The following PCDHA8 variants were observed in gnomAD, a reference collection of about 807,000 sequenced individuals.
PCDHA8 encodes the protein protocadherin alpha-8.
PCDHA8 carries 53 observed loss-of-function variants against 61.8 expected under a neutral mutation model. The observed-to-expected ratio is 0.86, with a 90% confidence interval of 0.69 to 1.08. The LOEUF (loss-of-function observed/expected upper bound fraction) is 1.08. Among genes scored for constraint, PCDHA8 ranks in the 50% least tolerant of loss-of-function variants. PCDHA8 has a pLI of 0.00. For missense variants in PCDHA8, 1,293 were observed against 1,245.0 expected (o/e 1.04, Z -0.58); for synonymous variants, 618 against 556.6 (o/e 1.11, Z -1.55).
At chr5:140,854,216 A>G in intron 1 of PCDHA8, 1 of 633,308 alleles carries the variant, frequency 1.6e-6, no homozygotes, top group Non-Finnish European at 2.0e-6. Flanking sequence ...TCAATATTGG[A>G]CATCTACATT....
intron 1 of PCDHA8, among the ~76,000 whole-genome samples, chr5:140,972,533 T>C (rs2096540643): frequency 6.6e-6 from 1 of 152,134 alleles, no homozygotes; most frequent in African/African-American, 2.4e-5. Flanking sequence ...ATTTCATAAA[T>C]CACTTGTGCA....
chr5:140,924,165 C>G (rs782754845), intron 1 of PCDHA8, among the ~76,000 whole-genome samples: 5 of 152,230 alleles, frequency 3.3e-5, no homozygotes, highest in Admixed American at 1.3e-4. Context: ...ATCCTAATCT[C>G]TGGCACTGAA....
intron 1 of PCDHA8, among the ~76,000 whole-genome samples, chr5:140,972,279 A>G (rs568636203): frequency 3.3e-5 from 5 of 150,992 alleles, no homozygotes; most frequent in South Asian, 4.2e-4. Context: ...AGCTTGGACC[A>G]TAGATGTGCG....
At chr5:140,883,924 G>T (rs1554180605) in intron 1 of PCDHA8, 14 of 1,613,506 alleles carry the variant, frequency 8.7e-6, no homozygotes, top group Non-Finnish European at 1.1e-5. Context: ...TGACGCTGCA[G>T]GTGTTCGTGC....
chr5:140,953,517 A>G (rs1554220954), intron 1 of PCDHA8, among the ~76,000 whole-genome samples: 1 of 152,168 alleles, frequency 6.6e-6, no homozygotes, highest in African/African-American at 2.4e-5. Flanking sequence ...CAAAGCAACA[A>G]AAACGGGAAA....
intron 1 of PCDHA8, chr5:140,969,304 C>A (rs782271875): frequency 9.3e-6 from 15 of 1,614,042 alleles, no homozygotes; most frequent in African/African-American, 1.3e-5. Flanking sequence ...TGATTATTCT[C>A]AAAAATGAGG....
chr5:140,928,172 C>T (rs782267454), intron 1 of PCDHA8: 1 of 1,614,200 alleles, frequency 6.2e-7, no homozygotes, highest in South Asian at 1.1e-5. Flanking sequence ...CCACTTAGCA[C>T]CCGAAGGACA....
intron 1 of PCDHA8, among the ~76,000 whole-genome samples, chr5:140,884,893 G>T (rs1186873075): frequency 1.3e-5 from 2 of 152,138 alleles, no homozygotes; most frequent in East Asian, 1.9e-4. Context: ...AGAATATTTT[G>T]TTTCTGTTGT....
chr5:140,887,525 TC>T (rs552124664), intron 1 of PCDHA8, among the ~76,000 whole-genome samples: 1 of 152,154 alleles, frequency 6.6e-6, no homozygotes, highest in South Asian at 2.1e-4. Context: ...TATATATGAG[TC>T]TTCCTCTCCC....
intron 3 of PCDHA8, among the ~76,000 whole-genome samples, chr5:140,992,128 G>GACTGATGAT (rs2097493639): frequency 6.6e-6 from 1 of 151,816 alleles, no homozygotes; most frequent in Non-Finnish European, 1.5e-5. Context: ...GAAGAACAGT[G>GACTGATGAT]ACTGATGATG....
intron 1 of PCDHA8, chr5:140,882,841 A>G: frequency 6.2e-7 from 1 of 1,614,232 alleles, no homozygotes; most frequent in East Asian, 2.2e-5. Flanking sequence ...AAATGTCTTC[A>G]TTATCACTTG....
Position 140,843,534 on chromosome 5 carries a change from C to T in PCDHA8, c.2213C>T (p.Thr738Ile). Residue 738 changes from threonine (T) to isoleucine (I), a missense_variant, in exon 1 of 4, where the codon ACT becomes ATT. Thr to Ile is a moderately conservative substitution (Grantham distance 89). Transcript: ENST00000531613. ...GGCGGGTGCCGGGCGGGCAAGCCCACTCTGGTGTGCTCCAGTGCGGTGGGG... is the reference window on the plus strand; with the variant it reads ...GGCGGGTGCCGGGCGGGCAAGCCCATTCTGGTGTGCTCCAGTGCGGTGGGG... ...TEGGCRAGKP[T>I]LVCSSAVGSW... 1 of 1,596,028 alleles carries T rather than the reference C, an allele frequency of 6.3e-7. No individual in the cohort carries two copies. Among genetic ancestry groups the T allele is most frequent in the Non-Finnish European group, 8.6e-7 (1 of 1,165,534 alleles).
chr5:140,870,308 A>G, intron 1 of PCDHA8: 1 of 1,614,140 alleles, frequency 6.2e-7, no homozygotes, highest in Non-Finnish European at 8.5e-7. Context: ...ACCTTCAAGA[A>G]TTACTACTCG....
intron 1 of PCDHA8, among the ~76,000 whole-genome samples, chr5:140,907,616 G>A (rs2073492016): frequency 6.6e-6 from 1 of 152,216 alleles, no homozygotes; most frequent in Non-Finnish European, 1.5e-5. Flanking sequence ...CATATCAAGG[G>A]CTCAGTGTTG....
At chr5:140,853,186 T>A (rs1319210557) in intron 1 of PCDHA8, 2 of 978,922 alleles carry the variant, frequency 2.0e-6, no homozygotes, top group African/African-American at 3.5e-5. Flanking sequence ...GCCTAAAATG[T>A]GTTCTTTATT....
At chr5:140,873,693 C>T (rs1554166841) in intron 1 of PCDHA8, among the ~76,000 whole-genome samples, 1 of 152,156 alleles carries the variant, frequency 6.6e-6, no homozygotes, top group Non-Finnish European at 1.5e-5. Context: ...TAGAGTCTTG[C>T]TCTATCACCC....
intron 1 of PCDHA8, among the ~76,000 whole-genome samples, chr5:140,955,464 T>C (rs563782102): frequency 2.0e-5 from 3 of 152,218 alleles, no homozygotes; most frequent in South Asian, 2.1e-4. Context: ...TTTTTCCTTT[T>C]TGCTTGGCAC....
In PCDHA8 at chr5:140,852,902, A is replaced by ATG. The variant is rs1554146177; in HGVS notation, c.2394+9187_2394+9188insTG. The stretch of plus-strand genomic sequence containing the variant: ...TAAAACGTATTTTTTTTTTTGAGTC[A>ATG]GAGTCTCGCTCTGTTGCCCAGGCTG... On this transcript the variant is annotated intron_variant, in intron 1 of 3. Transcript: ENST00000531613. 5.3e-4 allele frequency: 438 copies of ATG among 830,724 alleles called. 11 individuals carry two copies. In the South Asian group the frequency reaches 0.021, roughly 39 times the overall value. 51.5% of individuals were successfully genotyped at this position (830,724 alleles called of 1,614,324 possible).
chr5:140,881,494 A>G (rs1483226847), intron 1 of PCDHA8: 1 of 293,548 alleles, frequency 3.4e-6, no homozygotes, highest in African/African-American at 2.3e-5. Flanking sequence ...GTTTATGCAC[A>G]TACACACACT....
Sources: allele counts gnomAD v4.1 joint callset (sites outside exome capture counted in the v4.1 genomes callset), GRCh38; gene constraint gnomAD v4.1.1; transcripts MANE v1.5; gene names NCBI Gene and HGNC (gene_info 2026-07-23, HGNC 2026-07-21).